Variants in GABRA5 observed in about 807,000 individuals in gnomAD.
GABRA5 encodes the protein gamma-aminobutyric acid type A receptor subunit alpha5, also known as gamma-aminobutyric acid receptor subunit alpha-5.
GABRA5 carries 18 observed loss-of-function variants against 47.3 expected under a neutral mutation model. That is an observed-to-expected ratio of 0.38 (90% CI 0.26 to 0.56). The LOEUF is 0.56. Among genes scored for constraint, GABRA5 ranks in the 20% least tolerant of loss-of-function variants. The pLI is 0.71. For synonymous variants in GABRA5, 237 were observed against 229.3 expected (o/e 1.03, Z -0.30); for missense variants, 365 against 599.3 (o/e 0.61, Z 4.08).
chr15:26,896,890 A>C (rs1443105629), intron 6 of GABRA5, among the ~76,000 whole-genome samples: 1 of 151,926 alleles, frequency 6.6e-6, no homozygotes, highest in African/African-American at 2.4e-5. Flanking sequence ...CTTTTCAAAA[A>C]GTTTTATTAT....
At chr15:26,946,373 C>A (rs1281503250) in intron 10 of GABRA5, among the ~76,000 whole-genome samples, 2 of 151,778 alleles carry the variant, frequency 1.3e-5, no homozygotes, top group African/African-American at 4.8e-5. Context: ...TGCCTGTGTC[C>A]TCACCACCTG....
chr15:26,943,659 T>C (rs148498728), intron 10 of GABRA5, among the ~76,000 whole-genome samples: 1,618 of 152,322 alleles, frequency 0.011, 27 homozygotes, highest in Non-Finnish European at 0.013. Flanking sequence ...AGCCTATTAT[T>C]TTGGCAGAAG....
intron 4 of GABRA5, among the ~76,000 whole-genome samples, chr15:26,881,429 G>A (rs1595396063): frequency 1.3e-5 from 2 of 152,082 alleles, no homozygotes; most frequent in South Asian, 2.1e-4. Flanking sequence ...ATCTTTATGG[G>A]TTATGCATTT....
chr15:26,912,126 G>A (rs558791988), intron 6 of GABRA5, among the ~76,000 whole-genome samples: 3 of 152,270 alleles, frequency 2.0e-5, no homozygotes, highest in South Asian at 4.1e-4. Context: ...ACAGGCGATC[G>A]CAAAGCATGC....
chr15:26,894,635 T>G (rs1244284510), intron 6 of GABRA5, among the ~76,000 whole-genome samples: 1 of 152,172 alleles, frequency 6.6e-6, no homozygotes, highest in Non-Finnish European at 1.5e-5. Context: ...CATTCTTGGC[T>G]GCATGAACCT....
At chr15:26,910,799 T>A (rs1893563416) in intron 6 of GABRA5, among the ~76,000 whole-genome samples, 1 of 152,090 alleles carries the variant, frequency 6.6e-6, no homozygotes, top group African/African-American at 2.4e-5. Context: ...TTTCTTAACC[T>A]TTTGGGCTTG....
chr15:26,882,730 G>T (rs1407429889), intron 4 of GABRA5, among the ~76,000 whole-genome samples: 1 of 152,114 alleles, frequency 6.6e-6, no homozygotes, highest in African/African-American at 2.4e-5. Flanking sequence ...TGCTTTGATT[G>T]GAAAGTCAGC....
intron 3 of GABRA5, 61 bp from the exon 4 acceptor site, chr15:26,880,785 T>G: frequency 6.4e-7 from 1 of 1,573,052 alleles, no homozygotes; most frequent in Non-Finnish European, 8.7e-7. Flanking sequence ...TTCTGTATCT[T>G]GAGAAGAATT....
chr15:26,907,676 C>T (rs1893478362), intron 6 of GABRA5, among the ~76,000 whole-genome samples: 1 of 152,112 alleles, frequency 6.6e-6, no homozygotes, highest in South Asian at 2.1e-4. Context: ...GAAAAAAAGG[C>T]GAGGGAATTG....
chr15:26,907,101 G>T (rs1326095816), intron 6 of GABRA5, among the ~76,000 whole-genome samples: 1 of 152,102 alleles, frequency 6.6e-6, no homozygotes, highest in Non-Finnish European at 1.5e-5. Flanking sequence ...TACATTCAGG[G>T]ATACAAAAGA....
chr15:26,914,928 G>A (rs1893685594), intron 7 of GABRA5, 43 bp downstream of exon 7: 1 of 1,471,648 alleles, frequency 6.8e-7, no homozygotes, highest in Non-Finnish European at 9.5e-7. Context: ...ATATACTTTG[G>A]GGATCAATTC....
chr15:26,894,735 C>A (rs946881232), intron 6 of GABRA5, among the ~76,000 whole-genome samples: 3 of 152,068 alleles, frequency 2.0e-5, no homozygotes, highest in African/African-American at 7.2e-5. Context: ...GAGGAGGTGT[C>A]CCTATTTTGC....
At chr15:26,910,946 A>C (rs1224123555) in intron 6 of GABRA5, among the ~76,000 whole-genome samples, 1 of 152,144 alleles carries the variant, frequency 6.6e-6, no homozygotes, top group Non-Finnish European at 1.5e-5. Flanking sequence ...AAAGCATTCC[A>C]CATTTCAAGA....
chr15:26,913,316 CAGA>C (rs1190468478), intron 6 of GABRA5, among the ~76,000 whole-genome samples: 1 of 152,112 alleles, frequency 6.6e-6, no homozygotes, highest in Non-Finnish European at 1.5e-5. Flanking sequence ...GTTGTGGCAA[CAGA>C]AGATTTCGTA....
At chr15:26,946,186 T>G (rs1894507319) in intron 10 of GABRA5, among the ~76,000 whole-genome samples, 1 of 152,218 alleles carries the variant, frequency 6.6e-6, no homozygotes, top group Admixed American at 6.5e-5. Context: ...TCTTTATTCT[T>G]AATGGTTGAC....
intron 8 of GABRA5, among the ~76,000 whole-genome samples, chr15:26,938,427 C>T (rs1894299096): frequency 6.6e-6 from 1 of 152,194 alleles, no homozygotes; most frequent in Non-Finnish European, 1.5e-5. Flanking sequence ...ATATTAATAA[C>T]TGGGATTTCT....
intron 6 of GABRA5, among the ~76,000 whole-genome samples, chr15:26,886,758 G>A (rs1254757989): frequency 6.6e-6 from 1 of 152,206 alleles, no homozygotes; most frequent in African/African-American, 2.4e-5. Context: ...CGACTTGCCA[G>A]TGGTAATTAG....
chr15:26,903,444 T>C (rs1289613914), intron 6 of GABRA5, among the ~76,000 whole-genome samples: 2 of 152,172 alleles, frequency 1.3e-5, no homozygotes, highest in Non-Finnish European at 2.9e-5. Flanking sequence ...TATCATAGAC[T>C]GGTTTACATT....
chr15:26,925,029 A>G (rs1323999413), intron 7 of GABRA5, among the ~76,000 whole-genome samples: 1 of 151,962 alleles, frequency 6.6e-6, no homozygotes, highest in African/African-American at 2.4e-5. Context: ...ATATAAATAT[A>G]TGATATTTAT....
Sources: gnomAD v4.1 joint callset for allele counts (sites outside exome capture counted in the v4.1 genomes callset) on GRCh38, gnomAD v4.1.1 for gene constraint, MANE v1.5 for transcripts, NCBI Gene and HGNC (gene_info 2026-07-23, HGNC 2026-07-21) for gene names.